Variants in DCC observed in about 807,000 individuals in gnomAD.
DCC encodes DCC netrin 1 receptor.
A neutral mutation model predicts 172.5 loss-of-function variants in DCC; 58 were observed. The observed-to-expected ratio is 0.34, with a 90% confidence interval of 0.27 to 0.42. The LOEUF is 0.42. Ranked by LOEUF, DCC falls within the 10% of genes least tolerant of loss-of-function variation. DCC has a pLI of 1.00. For missense variants in DCC, 1,740 were observed against 1,791.0 expected, an observed-to-expected ratio of 0.97 and a Z score of 0.51; for synonymous variants, 709 against 644.5, an observed-to-expected ratio of 1.10 and a Z score of -1.52.
At chr18:52,412,156 A>T (rs1030586645) in intron 1 of DCC, among the ~76,000 whole-genome samples, 7 of 152,138 alleles carry the variant, frequency 4.6e-5, no homozygotes, top group Admixed American at 6.5e-5. Flanking sequence ...ATATCATTAC[A>T]CTTAAAGGCA....
intron 1 of DCC, among the ~76,000 whole-genome samples, chr18:52,698,677 C>T (rs1264304665): frequency 6.6e-6 from 1 of 152,086 alleles, no homozygotes; most frequent in Admixed American, 6.5e-5. Flanking sequence ...CTGCTCACTG[C>T]AACCTCCACC....
intron 12 of DCC, among the ~76,000 whole-genome samples, chr18:53,234,432 T>TA (rs1444648602): frequency 6.7e-6 from 1 of 150,206 alleles, no homozygotes; most frequent in Non-Finnish European, 1.5e-5. Flanking sequence ...TGTCTCAAAT[T>TA]AAAAAAATAA....
In DCC at chr18:53,478,366, G is replaced by A. The variant is rs145800736; in HGVS notation, c.3737-8431G>A. 4.0e-3 allele frequency among the ~76,000 whole-genome samples: 610 copies of A among 152,230 alleles called. 1 individual carries two copies. The highest frequency in any genetic ancestry group is 0.014 in the African/African-American group (593 of 41,560). ...TCTAGATGGTATTGCACAATCGGAT[G>A]TAACTATTTGGCCATTTTCAACCCA... On this transcript the variant is annotated intron_variant, in intron 25 of 28. Coordinates refer to ENST00000442544, the MANE Select transcript of DCC (RefSeq NM_005215.4).
rs182998880 is a variant in DCC at position 53,300,109 on chromosome 18, T to C, written c.1912-5469T>C. Among the ~76,000 whole-genome samples the C allele has an allele frequency of 9.9e-5, 15 of 152,284 alleles. No individual in the cohort carries two copies. The East Asian group carries it at 2.7e-3, about 27-fold the overall frequency. ...TATTCTACCAACTTAATCAGATCAA[T>C]TGTATGTAACTAGATTCCTCTGAAA... On this transcript the variant is annotated intron_variant, in intron 12 of 28. Coordinates refer to ENST00000442544, the MANE Select transcript of DCC (RefSeq NM_005215.4).
Position 53,187,022 on chromosome 18 carries a change from G to T in DCC, c.1573+7906G>T, listed in dbSNP as rs540917792. On this transcript the variant is annotated intron_variant, in intron 9 of 28. Coordinates refer to ENST00000442544, the MANE Select transcript of DCC (RefSeq NM_005215.4). ...CTCATGGCCTAATCATCTTTTAAAA[G>T]ATTATTATAATATTTGCATTGGGGT... is the stretch of plus-strand genomic sequence containing the variant. Among the ~76,000 whole-genome samples, 236 of 152,120 alleles carry T rather than the reference G, an allele frequency of 1.6e-3. 1 individual carries two copies. Among genetic ancestry groups the T allele is most frequent in the African/African-American group, 5.0e-3 (209 of 41,500 alleles).
chr18:52,882,056 A>G (rs1029371998), intron 2 of DCC, among the ~76,000 whole-genome samples: 4 of 152,086 alleles, frequency 2.6e-5, no homozygotes, highest in Non-Finnish European at 5.9e-5. Context: ...ATGTGTGGCT[A>G]TGGTAAATGG....
At chr18:52,737,068 T>C (rs1182056607) in intron 1 of DCC, among the ~76,000 whole-genome samples, 1 of 152,224 alleles carries the variant, frequency 6.6e-6, no homozygotes, top group African/African-American at 2.4e-5. Context: ...GGGGACTTGC[T>C]GTTTATTATT....
chr18:53,470,383 G>A (rs970936123), intron 25 of DCC, among the ~76,000 whole-genome samples: 2 of 152,074 alleles, frequency 1.3e-5, no homozygotes, highest in Admixed American at 6.6e-5. Context: ...GGTCAAAACT[G>A]TTCATCAAGT....
intron 27 of DCC, among the ~76,000 whole-genome samples, chr18:53,514,824 A>G (rs2046313780): frequency 6.6e-6 from 1 of 152,002 alleles, no homozygotes; most frequent in Admixed American, 6.6e-5. Context: ...ACCAACCAAA[A>G]AGAGTCCAGG....
rs373070308 is a variant in DCC, at chr18:52,798,459, C to T, written c.412+46085C>T. 2.6e-4 allele frequency among the ~76,000 whole-genome samples: 39 copies of T among 152,264 alleles called. No homozygotes were observed. The East Asian group carries it at 4.8e-3, about 19-fold the overall frequency. On this transcript the variant is annotated intron_variant, in intron 2 of 28. Transcript: ENST00000442544. ...CTTCAGGTGATCCTCTTGCTTCAGCCTCCCAAAATGCTGGGATTACAGGCA... is the reference window on the plus strand; with the variant it reads ...CTTCAGGTGATCCTCTTGCTTCAGCTTCCCAAAATGCTGGGATTACAGGCA...
chr18:53,003,325 C>T (rs1210900998), intron 5 of DCC, among the ~76,000 whole-genome samples: 1 of 152,122 alleles, frequency 6.6e-6, no homozygotes, highest in Non-Finnish European at 1.5e-5. Context: ...ACTAAGAGGT[C>T]CCTTCCTCTT....
chr18:53,454,843 T>A (rs1439912161), intron 23 of DCC, among the ~76,000 whole-genome samples: 1 of 152,218 alleles, frequency 6.6e-6, no homozygotes, highest in Non-Finnish European at 1.5e-5. Flanking sequence ...AATATTCACC[T>A]CATAAGAGAT....
chr18:52,812,872 T>TTA (rs1272335037), intron 2 of DCC, among the ~76,000 whole-genome samples: 2 of 152,306 alleles, frequency 1.3e-5, no homozygotes, highest in East Asian at 3.9e-4. Flanking sequence ...GGCTGGGAAC[T>TTA]TACGCCTCTG....
At chr18:53,112,177 A>G (rs1475835090) in intron 7 of DCC, among the ~76,000 whole-genome samples, 3 of 151,538 alleles carry the variant, frequency 2.0e-5, no homozygotes, top group African/African-American at 7.3e-5. Context: ...AAATGAATTT[A>G]ATGCATTTTA....
intron 12 of DCC, among the ~76,000 whole-genome samples, chr18:53,284,907 C>T (rs1238436062): frequency 1.3e-5 from 2 of 152,138 alleles, no homozygotes; most frequent in Non-Finnish European, 2.9e-5. Context: ...TATGTTTTAG[C>T]AAAGAGACTG....
intron 1 of DCC, among the ~76,000 whole-genome samples, chr18:52,751,028 G>A (rs920272163): frequency 4.6e-5 from 7 of 152,166 alleles, no homozygotes; most frequent in African/African-American, 1.7e-4. Flanking sequence ...GGTGTTTCAG[G>A]AGAAAATGGG....
chr18:53,346,177 G>T (rs2057722317), intron 15 of DCC, among the ~76,000 whole-genome samples: 1 of 151,926 alleles, frequency 6.6e-6, no homozygotes, highest in Non-Finnish European at 1.5e-5. Context: ...TTAACCTGTA[G>T]TAATATATAC....
At chr18:52,405,363 T>C (rs1273940676) in intron 1 of DCC, among the ~76,000 whole-genome samples, 1 of 120,674 alleles carries the variant, frequency 8.3e-6, no homozygotes, top group African/African-American at 2.8e-5. Flanking sequence ...TTCTAACTGG[T>C]GTGAGATGGT....
chr18:52,523,128 AT>A (rs1298230479), intron 1 of DCC, among the ~76,000 whole-genome samples: 4 of 152,168 alleles, frequency 2.6e-5, no homozygotes, highest in East Asian at 3.9e-4. Context: ...CAGATCTGCC[AT>A]TGTTTTTTAG....
Sources: gnomAD v4.1 joint callset for allele counts (sites outside exome capture counted in the v4.1 genomes callset) on GRCh38, gnomAD v4.1.1 for gene constraint, MANE v1.5 for transcripts, NCBI Gene and HGNC (gene_info 2026-07-23, HGNC 2026-07-21) for gene names.